SLC15A1: variants seen among roughly 807,000 people sequenced by gnomAD.
SLC15A1 encodes the protein solute carrier family 15 member 1.
A neutral mutation model predicts 92.9 loss-of-function variants in SLC15A1; 83 were observed. That is an observed-to-expected ratio of 0.89 (90% CI 0.75 to 1.07). SLC15A1 has a LOEUF of 1.07. SLC15A1 is among the 50% of genes least tolerant of loss of function. The pLI is 0.00. For synonymous variants in SLC15A1, 322 were observed against 318.2 expected (o/e 1.01, Z -0.13); for missense variants, 857 against 880.1 (o/e 0.97, Z 0.33).
intron 1 of SLC15A1, among the ~76,000 whole-genome samples, chr13:98,733,628 G>A (rs1030303326): frequency 6.6e-6 from 1 of 152,228 alleles, no homozygotes; most frequent in Non-Finnish European, 1.5e-5. Flanking sequence ...AATGGCAAAA[G>A]TGGTTTTTCA....
intron 15 of SLC15A1, among the ~76,000 whole-genome samples, chr13:98,707,902 A>T (rs1443633009): frequency 3.4e-5 from 2 of 58,026 alleles, no homozygotes; most frequent in African/African-American, 7.3e-5. Flanking sequence ...AAAAAAAAAA[A>T]AAAAAAAAAA....
chr13:98,708,751 C>T lies in SLC15A1; in HGVS notation c.1084G>A (p.Ala362Thr), dbSNP rs745696718. ...GFNFTSLKKMAVGMVLASMAF... is the reference protein window; with the variant it reads ...GFNFTSLKKMTVGMVLASMAF... ...ATGGAGGCCAGGACCATGCCAACTG[C>T]CATCTTCTTCAAGGAGCTGATGGCA... Residue 362 changes from alanine (A) to threonine (T), a missense_variant, in exon 15 of 23, where the codon GCA becomes ACA. Transcript: ENST00000376503. The T allele has an allele frequency of 1.2e-6, 2 of 1,611,680 alleles. No individual in the cohort carries two copies. The highest frequency in any genetic ancestry group is 1.7e-6 in the Non-Finnish European group (2 of 1,179,168).
intron 8 of SLC15A1, among the ~76,000 whole-genome samples, chr13:98,718,010 T>C (rs2088224257): frequency 6.6e-6 from 1 of 150,378 alleles, no homozygotes; most frequent in Non-Finnish European, 1.5e-5. Context: ...ATATATGTTC[T>C]GTCCAGTGGG....
At chr13:98,727,610 G>T (rs1480511787) in intron 1 of SLC15A1, among the ~76,000 whole-genome samples, 1 of 152,132 alleles carries the variant, frequency 6.6e-6, no homozygotes, top group Non-Finnish European at 1.5e-5. Flanking sequence ...ACTCTCCCAT[G>T]TGCATCCTAG....
intron 18 of SLC15A1, among the ~76,000 whole-genome samples, chr13:98,689,262 T>C (rs2087957203): frequency 6.6e-6 from 1 of 152,046 alleles, no homozygotes; most frequent in South Asian, 2.1e-4. Context: ...GCTCAAGTAG[T>C]GAAAGACCAA....
chr13:98,702,944 T>G lies in SLC15A1; in HGVS notation c.1417-415A>C, dbSNP rs1485631471. 1.2e-3 allele frequency among the ~76,000 whole-genome samples: 142 copies of G among 114,126 alleles called. 4 individuals are homozygous for G. In the Admixed American group the frequency reaches 0.015, roughly 12 times the overall value. 74.9% of individuals were successfully genotyped at this position (114,126 alleles called of 152,430 possible). On this transcript the variant is annotated intron_variant, in intron 17 of 22. Transcript: ENST00000376503. The stretch of plus-strand genomic sequence containing the variant: ...GACCATGCCACTGCACTCCAGATGG[T>G]GCAACAGGGGGAGATCCTGTCTCAA...
intron 5 of SLC15A1, among the ~76,000 whole-genome samples, chr13:98,722,237 T>C (rs1047605107): frequency 2.6e-5 from 4 of 152,204 alleles, no homozygotes; most frequent in Admixed American, 2.0e-4. Flanking sequence ...TGAACAAATA[T>C]AAGCATTGTG....
At chr13:98,687,845 C>T (rs2077878959) in intron 20 of SLC15A1, 121 bp from the exon 21 acceptor site, 3 of 1,146,946 alleles carry the variant, frequency 2.6e-6, no homozygotes, top group African/African-American at 3.1e-5. Flanking sequence ...AGTACGTACA[C>T]ATTTTAAACA....
intron 11 of SLC15A1, 123 bp from the exon 12 acceptor site, chr13:98,710,034 T>C: frequency 1.1e-6 from 1 of 903,242 alleles, no homozygotes; most frequent in Non-Finnish European, 1.8e-6. Context: ...TTAAAGTTGT[T>C]TTAAACATCA....
intron 15 of SLC15A1, 26 bp from the exon 16 acceptor site, chr13:98,706,279 A>G (rs1250138364): frequency 6.2e-7 from 1 of 1,608,734 alleles, no homozygotes; most frequent in Non-Finnish European, 8.5e-7. Flanking sequence ...GAAAATTGGC[A>G]GTGAGGTCTT....
At chr13:98,717,733 G>A (rs975379211) in intron 8 of SLC15A1, among the ~76,000 whole-genome samples, 1 of 152,196 alleles carries the variant, frequency 6.6e-6, no homozygotes, top group Non-Finnish European at 1.5e-5. Flanking sequence ...GTGAGCAAAA[G>A]AGATTGAAAA....
intron 1 of SLC15A1, among the ~76,000 whole-genome samples, chr13:98,732,465 G>C (rs933860596): frequency 4.6e-5 from 7 of 152,020 alleles, no homozygotes; most frequent in African/African-American, 1.7e-4. Flanking sequence ...TTGGGGGTTG[G>C]GGGGGACAGG....
At chr13:98,695,800 T>C (rs2088016540) in intron 18 of SLC15A1, among the ~76,000 whole-genome samples, 2 of 152,310 alleles carry the variant, frequency 1.3e-5, no homozygotes, top group African/African-American at 2.4e-5. Flanking sequence ...AAGGATTCCA[T>C]TTTGCTTAAA....
In SLC15A1 at chr13:98,684,401, T is replaced by G. The variant is rs1181704068; in HGVS notation, c.*323A>C. The G allele has an allele frequency of 5.3e-6, 1 of 189,822 alleles. No homozygotes were observed. The highest frequency in any genetic ancestry group is 1.1e-5 in the Non-Finnish European group (1 of 91,624). The allele number at this position is 189,822 out of a possible 1,614,324, so 11.8% of individuals were successfully genotyped here. A position where few individuals can be genotyped will look rare whatever the true frequency, so the allele number is the denominator to read the frequency against. On this transcript the variant is annotated 3_prime_UTR_variant, in exon 23 of 23. Transcript: ENST00000376503. ...TCTCTACTAAAAATACAAAAATAGC[T>G]GGGCGTGGTGGTGCATGCCGCTAAT...
chr13:98,711,412 A>C (rs1159114284), intron 11 of SLC15A1, among the ~76,000 whole-genome samples: 2 of 152,152 alleles, frequency 1.3e-5, no homozygotes, highest in African/African-American at 2.4e-5. Flanking sequence ...TCACCCCAGG[A>C]TGGTACTTCT....
chr13:98,699,748 C>G (rs911974357), intron 18 of SLC15A1, among the ~76,000 whole-genome samples: 1 of 152,156 alleles, frequency 6.6e-6, no homozygotes, highest in Non-Finnish European at 1.5e-5. Flanking sequence ...AGGGGAGTTC[C>G]AGGTGCCCCA....
At chr13:98,711,480 G>A (rs758276940) in intron 11 of SLC15A1, among the ~76,000 whole-genome samples, 33 of 152,220 alleles carry the variant, frequency 2.2e-4, no homozygotes, top group Non-Finnish European at 3.5e-4. Context: ...TTTATGTATG[G>A]GCTCCATAAA....
At chr13:98,723,665 T>C (rs1318452745) in intron 5 of SLC15A1, among the ~76,000 whole-genome samples, 1 of 152,182 alleles carries the variant, frequency 6.6e-6, no homozygotes, top group Non-Finnish European at 1.5e-5. Flanking sequence ...CTGACTGTAC[T>C]TCACATGGGA....
At chr13:98,751,176 A>C (rs972298065) in intron 1 of SLC15A1, among the ~76,000 whole-genome samples, 1 of 152,212 alleles carries the variant, frequency 6.6e-6, no homozygotes, top group Non-Finnish European at 1.5e-5. Flanking sequence ...GTAAAAATCA[A>C]ATCGGTTTTT....
Sources: gnomAD v4.1 joint callset for allele counts (sites outside exome capture counted in the v4.1 genomes callset) on GRCh38, gnomAD v4.1.1 for gene constraint, MANE v1.5 for transcripts, NCBI Gene and HGNC (gene_info 2026-07-23, HGNC 2026-07-21) for gene names.